NXPE2: variants seen among roughly 807,000 people sequenced by gnomAD.
The protein encoded by NXPE2 is neurexophilin and PC-esterase domain family member 2.
In NXPE2, 34 loss-of-function variants were observed where a neutral mutation model predicts 34.4. The ratio of observed to expected loss-of-function variants is 0.99; its 90% CI spans 0.75 to 1.31. The LOEUF (loss-of-function observed/expected upper bound fraction) is 1.31. NXPE2 is among the 40% of genes most tolerant of loss of function. The pLI is 0.00. For missense variants in NXPE2, 649 were observed against 672.5 expected, an observed-to-expected ratio of 0.97 and a Z score of 0.39; for synonymous variants, 235 against 231.3, an observed-to-expected ratio of 1.02 and a Z score of -0.15.
chr11:114,670,842 A>G, the NXPE2 span, among the ~76,000 whole-genome samples: 1 of 151,778 alleles, frequency 6.6e-6, no homozygotes, highest in Non-Finnish European at 1.5e-5. Context: ...ACAGGAGAGA[A>G]TGACTCACGA....
At chr11:114,653,393 A>G in the NXPE2 span, among the ~76,000 whole-genome samples, 14,006 of 151,762 alleles carry the variant, frequency 0.092, 767 homozygotes, top group Middle Eastern at 0.2. Context: ...TAAACCATCT[A>G]TTTTTTTTCT....
At chr11:114,632,866 A>G in the NXPE2 span, among the ~76,000 whole-genome samples, 1 of 59,694 alleles carries the variant, frequency 1.7e-5, no homozygotes, top group Admixed American at 3.0e-4. Context: ...TATATAATAT[A>G]TAATTATATA....
intron 3 of NXPE2, among the ~76,000 whole-genome samples, chr11:114,701,888 A>G (rs915088331): frequency 6.6e-6 from 1 of 152,206 alleles, no homozygotes; most frequent in South Asian, 2.1e-4. Flanking sequence ...GACTTTTCAC[A>G]TACTTGGGTT....
chr11:114,690,868 C>T (rs1712823), intron 2 of NXPE2, among the ~76,000 whole-genome samples: 150,453 of 152,048 alleles, frequency 0.99, 74,459 homozygotes, highest in Middle Eastern at 1. Flanking sequence ...TGGTCTAGAC[C>T]ATTGTTAAGG....
chr11:114,714,329 G>C, the NXPE2 span, among the ~76,000 whole-genome samples: 1 of 152,112 alleles, frequency 6.6e-6, no homozygotes, highest in Non-Finnish European at 1.5e-5. Flanking sequence ...GTTCATTCTT[G>C]TTCTGGAGAA....
chr11:114,480,742 A>G, the NXPE2 span, among the ~76,000 whole-genome samples: 3 of 152,302 alleles, frequency 2.0e-5, no homozygotes, highest in South Asian at 6.2e-4. Flanking sequence ...GGAGACCCTT[A>G]TTAAATACCT....
At chr11:114,781,327 T>G in the NXPE2 span, among the ~76,000 whole-genome samples, 1 of 152,320 alleles carries the variant, frequency 6.6e-6, no homozygotes, top group South Asian at 2.1e-4. Flanking sequence ...CCAAGGACCC[T>G]TGGTTAAGTA....
chr11:114,539,890 A>G, the NXPE2 span, among the ~76,000 whole-genome samples: 1 of 152,202 alleles, frequency 6.6e-6, no homozygotes, highest in Non-Finnish European at 1.5e-5. Context: ...AAATGGTTTC[A>G]CTATATTGAA....
chr11:114,698,944 A>T lies in NXPE2; in HGVS notation c.866+166A>T, dbSNP rs758767006. 1.5e-4 allele frequency among the ~76,000 whole-genome samples: 23 copies of T among 152,174 alleles called. 1 individual carries two copies. Among genetic ancestry groups the T allele is most frequent in the African/African-American group, 2.4e-5 (1 of 41,450 alleles). On this transcript the variant is annotated intron_variant, in intron 3 of 5. Transcript: ENST00000389586. ...TTGGAGTGTGTTCACAGGGATCCATACAAGTCACCCCTAGAACTATTTGCT... is the reference window on the plus strand; with the variant it reads ...TTGGAGTGTGTTCACAGGGATCCATTCAAGTCACCCCTAGAACTATTTGCT...
At chr11:114,708,636 A>AAAAAG (rs369604933), downstream of NXPE2, among the ~76,000 whole-genome samples, 26,508 of 148,324 alleles carry the variant, frequency 0.18, 2,550 homozygotes, top group Non-Finnish European at 0.2. Context: ...TCTCAAAAAA[A>AAAAAG]AAAAGAAAAG....
the NXPE2 span, among the ~76,000 whole-genome samples, chr11:114,473,850 T>C: frequency 1.3e-5 from 2 of 152,300 alleles, no homozygotes; most frequent in East Asian, 3.9e-4. Context: ...AGTAAGTAAC[T>C]TTTTCATGGC....
At chr11:114,484,358 G>C in the NXPE2 span, among the ~76,000 whole-genome samples, 1 of 152,116 alleles carries the variant, frequency 6.6e-6, no homozygotes, top group Non-Finnish European at 1.5e-5. Flanking sequence ...TGGGATGTGG[G>C]GGGGTAGAAT....
the NXPE2 span, among the ~76,000 whole-genome samples, chr11:114,647,097 A>G: frequency 6.6e-6 from 1 of 152,184 alleles, no homozygotes; most frequent in African/African-American, 2.4e-5. Context: ...AACCTTGTGA[A>G]CAAACATGAG....
chr11:114,636,207 G>A, the NXPE2 span, among the ~76,000 whole-genome samples: 37 of 152,062 alleles, frequency 2.4e-4, no homozygotes, highest in East Asian at 5.6e-3. Flanking sequence ...TGTATGTGTC[G>A]AGGAATTTAT....
chr11:114,482,560 C>T, the NXPE2 span, among the ~76,000 whole-genome samples: 1 of 152,160 alleles, frequency 6.6e-6, no homozygotes, highest in Non-Finnish European at 1.5e-5. Context: ...TTTCTCCCTT[C>T]CTCCCTGCAT....
chr11:114,656,491 G>A, the NXPE2 span, among the ~76,000 whole-genome samples: 16 of 151,970 alleles, frequency 1.1e-4, no homozygotes, highest in Non-Finnish European at 1.9e-4. Context: ...AAAAGCTGGA[G>A]GAATCATGCT....
chr11:114,467,524 C>G, the NXPE2 span, among the ~76,000 whole-genome samples: 1 of 151,922 alleles, frequency 6.6e-6, no homozygotes, highest in South Asian at 2.1e-4. Flanking sequence ...CCTAAATGAG[C>G]CCTGGAAATA....
the NXPE2 span, among the ~76,000 whole-genome samples, chr11:114,553,043 C>T: frequency 6.6e-6 from 1 of 152,168 alleles, no homozygotes; most frequent in African/African-American, 2.4e-5. Flanking sequence ...CTTATTACCT[C>T]CTCCCTCACT....
chr11:114,605,430 G>A, the NXPE2 span, among the ~76,000 whole-genome samples: 1,216 of 151,746 alleles, frequency 8.0e-3, 10 homozygotes, highest in Non-Finnish European at 0.012. Flanking sequence ...TGCCTCGTGC[G>A]TAACCACTGT....
Sources: gnomAD v4.1 joint callset for allele counts (sites outside exome capture counted in the v4.1 genomes callset) on GRCh38, gnomAD v4.1.1 for gene constraint, MANE v1.5 for transcripts, NCBI Gene and HGNC (gene_info 2026-07-23, HGNC 2026-07-21) for gene names.